Variants in GCFC2 observed in about 807,000 individuals in gnomAD.
GCFC2 encodes GC-rich sequence DNA-binding factor 2.
Under a neutral mutation model 99.4 loss-of-function variants are expected in GCFC2, and 102 were observed. The observed-to-expected ratio is 1.03, with a 90% confidence interval of 0.87 to 1.21. The LOEUF is 1.21. Ranked by LOEUF, GCFC2 falls within the 50% of genes most tolerant of loss-of-function variation. GCFC2 has a pLI of 0.00. For missense variants in GCFC2, 973 were observed against 920.9 expected (o/e 1.06, Z -0.73); for synonymous variants, 338 against 316.8 (o/e 1.07, Z -0.71).
rs755796921 is a variant in GCFC2 at position 75,710,819 on chromosome 2, C to G, written c.37G>C (p.Ala13Pro). The part of the protein sequence containing the change: ...HRPKRTFRQR[A>P]ADSSDSDGAE... ...CCATCGCTGTCGCTGGAATCAGCCG[C>G]GCGCTGCCGAAAAGTCCTTTTCGGC... Residue 13 changes from alanine (A) to proline (P), a missense_variant, in exon 1 of 17, where the codon GCG becomes CCG. By Grantham distance (27) the Ala-to-Pro change is conservative (BLOSUM62 -1). Transcript: ENST00000321027. 5.1e-6 allele frequency: 8 copies of G among 1,577,284 alleles called. No homozygotes were observed. Among genetic ancestry groups the G allele is most frequent in the Admixed American group, 1.7e-5 (1 of 58,006 alleles).
Position 75,671,854 on chromosome 2 carries a change from T to C in GCFC2, c.1956+96A>G, listed in dbSNP as rs995279768. On this transcript the variant is annotated intron_variant, in intron 14 of 16. Coordinates refer to ENST00000321027, the MANE Select transcript of GCFC2 (RefSeq NM_003203.5). ...CATGTGACCACAAAGCCTAAAATAC[T>C]ATCTAATTCTTATAGAAGAAGTTTG... The C allele has an allele frequency of 8.8e-6, 5 of 566,908 alleles. No homozygotes were observed. In the African/African-American group the frequency reaches 9.5e-5, roughly 11 times the overall value. The allele number at this position is 566,908 out of a possible 1,614,324, so 35.1% of individuals were successfully genotyped here. A position where few individuals can be genotyped will look rare whatever the true frequency, so the allele number is the denominator to read the frequency against.
rs1680210972 is a variant in GCFC2, at chr2:75,694,320, G to A, written c.941C>T (p.Ser314Leu). The A allele has an allele frequency of 1.5e-6, 2 of 1,354,366 alleles. No homozygotes were observed. The highest frequency in any genetic ancestry group is 2.6e-5 in the South Asian group (2 of 76,034). 83.9% of individuals were successfully genotyped at this position (1,354,366 alleles called of 1,614,324 possible). A position where few individuals can be genotyped will look rare whatever the true frequency, so the allele number is the denominator to read the frequency against. Residue 314 changes from serine to leucine, a missense_variant, in exon 6 of 17, where the codon TCA (serine) becomes TTA (leucine). Ser to Leu is a moderately radical substitution (Grantham distance 145). Transcript: ENST00000321027. ...GAATTTACAATTTAGAGCTTGATTT[G>A]ATGAACTCTCTAGGTTCTGGATGGT... ...KSTIQNLESS[S>L]NQALNCKFYK... is the part of the protein sequence containing the mutation.
chr2:75,704,468 A>G (rs1401518039), intron 2 of GCFC2, among the ~76,000 whole-genome samples: 1 of 152,206 alleles, frequency 6.6e-6, no homozygotes, highest in Non-Finnish European at 1.5e-5. Context: ...CAATGTGCAT[A>G]GGGGATGGGC....
At chr2:75,712,599 G>A (rs770959738), upstream of GCFC2, among the ~76,000 whole-genome samples, 9 of 152,134 alleles carry the variant, frequency 5.9e-5, no homozygotes, top group Non-Finnish European at 1.0e-4. Flanking sequence ...CAGTGTGGAA[G>A]CTTTGTTCTT....
In GCFC2 at chr2:75,690,637, C is replaced by T. The variant is rs1349244580; in HGVS notation, c.1226+1G>A. 1 of 1,374,746 alleles carries T rather than the reference C, an allele frequency of 7.3e-7. No homozygotes were observed. Among genetic ancestry groups the T allele is most frequent in the Non-Finnish European group, 1.0e-6 (1 of 970,752 alleles). 85.2% of individuals were successfully genotyped at this position (1,374,746 alleles called of 1,614,324 possible). On this transcript the variant is annotated splice_donor_variant, in intron 8 of 16. Coordinates refer to ENST00000321027, the MANE Select transcript of GCFC2 (RefSeq NM_003203.5). LOFTEE classifies it high-confidence loss of function. Reference sequence around the variant, plus strand: ...TTTAAATCTTCACTTTATATAGGTACCTTCGAGATTCAATCTCTTCTAAAA... The same window carrying T: ...TTTAAATCTTCACTTTATATAGGTATCTTCGAGATTCAATCTCTTCTAAAA...
chr2:75,672,166 A>AATATATATTTATTTATAAAATATATAT (rs1245668989), intron 13 of GCFC2, 150 bp from the exon 14 acceptor site: 2 of 158,272 alleles, frequency 1.3e-5, no homozygotes, highest in Non-Finnish European at 2.7e-5. Flanking sequence ...TTATAAATAA[A>AATATATATTTATTTATAAAATATATAT]ATATATATTT....
At chr2:75,668,691 G>GAT (rs1224478769) in intron 15 of GCFC2, among the ~76,000 whole-genome samples, 11 of 152,188 alleles carry the variant, frequency 7.2e-5, no homozygotes, top group African/African-American at 2.6e-4. Context: ...TGTTTTTAGG[G>GAT]ATATGTAGGT....
At position 75,701,264 on chromosome 2, in the gene GCFC2, C is replaced by T. The variant is rs1191886968; in HGVS notation, c.643G>A (p.Glu215Lys). ...TGCTTTTCATCTTCCTGACTTTCTT[C>T]ACTTGTTTCTTCATTTCTGCTTACT... ...ESISRNEETS[E>K]ESQEDEKQDT... Residue 215 changes from glutamate (E) to lysine (K), a missense_variant, in exon 4 of 17, where the codon GAA becomes AAA. Physicochemically the swap from Glu to Lys is moderately conservative, Grantham distance 56. Coordinates refer to ENST00000321027, the MANE Select transcript of GCFC2 (RefSeq NM_003203.5). 9 of 1,605,424 alleles carry T rather than the reference C, an allele frequency of 5.6e-6. No individual in the cohort carries two copies. The highest frequency in any genetic ancestry group is 4.0e-5 in the African/African-American group (3 of 74,748).
chr2:75,708,053 GTGAC>G (rs1411645188), intron 1 of GCFC2, among the ~76,000 whole-genome samples: 19 of 152,272 alleles, frequency 1.2e-4, no homozygotes, highest in Admixed American at 1.1e-3. Flanking sequence ...AAGCATTTGT[GTGAC>G]TGAGTTGCAA....
intron 4 of GCFC2, among the ~76,000 whole-genome samples, chr2:75,698,196 T>C (rs1680418237): frequency 6.6e-6 from 1 of 152,216 alleles, no homozygotes; most frequent in East Asian, 1.9e-4. Flanking sequence ...TCCCATGATA[T>C]TGGCGACATT....
chr2:75,693,640 T>G lies in GCFC2; in HGVS notation c.1020+601A>C, dbSNP rs17690622. On this transcript the variant is annotated intron_variant, in intron 6 of 16. Coordinates refer to ENST00000321027, the MANE Select transcript of GCFC2 (RefSeq NM_003203.5). Reference sequence around the variant, plus strand: ...GAAAGAAAAACCATTACAAACAAATTCAAAAGACAAAACTGGTAAGTTCAC... The same window carrying G: ...GAAAGAAAAACCATTACAAACAAATGCAAAAGACAAAACTGGTAAGTTCAC... Among the ~76,000 whole-genome samples, 1,309 of 151,874 alleles carry G rather than the reference T, an allele frequency of 8.6e-3. 12 individuals are homozygous for G. Among genetic ancestry groups the G allele is most frequent in the South Asian group, 0.028 (136 of 4,812 alleles).
chr2:75,695,472 TAATCATATTA>T (rs1339866587), intron 5 of GCFC2, among the ~76,000 whole-genome samples: 3 of 152,202 alleles, frequency 2.0e-5, no homozygotes, highest in Non-Finnish European at 2.9e-5. Flanking sequence ...AAAATGCTTA[TAATCATATTA>T]AATAGAAAAG....
chr2:75,700,847 C>A (rs1449516708), intron 4 of GCFC2, among the ~76,000 whole-genome samples: 3 of 152,136 alleles, frequency 2.0e-5, no homozygotes, highest in African/African-American at 7.2e-5. Flanking sequence ...CTTGGATTAT[C>A]TGAGTAGGCC....
chr2:75,670,365 TCAAA>T, intron 14 of GCFC2, 81 bp from the exon 15 acceptor site: 1 of 963,718 alleles, frequency 1.0e-6, no homozygotes, highest in Non-Finnish European at 1.6e-6. Flanking sequence ...GAAGAGTTGG[TCAAA>T]CTAAAATTCT....
At chr2:75,707,173 T>C (rs1318256060) in intron 1 of GCFC2, among the ~76,000 whole-genome samples, 1 of 152,198 alleles carries the variant, frequency 6.6e-6, no homozygotes, top group Non-Finnish European at 1.5e-5. Context: ...CTTCAGAACT[T>C]AGGCTCTCTT....
intron 4 of GCFC2, among the ~76,000 whole-genome samples, chr2:75,698,873 A>G (rs1289199970): frequency 6.6e-6 from 1 of 152,090 alleles, no homozygotes; most frequent in Non-Finnish European, 1.5e-5. Flanking sequence ...TCAGTCAGGC[A>G]TGGTGGTATG....
intron 12 of GCFC2, among the ~76,000 whole-genome samples, chr2:75,676,618 CACAT>C (rs757347183): frequency 6.6e-6 from 1 of 152,170 alleles, no homozygotes; most frequent in Non-Finnish European, 1.5e-5. Flanking sequence ...AAATAGCACA[CACAT>C]ACTAGGAGAA....
intron 2 of GCFC2, among the ~76,000 whole-genome samples, chr2:75,704,223 T>C (rs533627171): frequency 3.9e-5 from 6 of 152,356 alleles, no homozygotes; most frequent in African/African-American, 9.6e-5. Flanking sequence ...CTATCTGATA[T>C]GCAATCATCT....
In GCFC2 at chr2:75,663,765, T is replaced by G. The variant is rs1678711319; in HGVS notation, c.*901A>C. The G allele has an allele frequency of 6.6e-6, 1 of 151,752 alleles. No homozygotes were observed. Among genetic ancestry groups the G allele is most frequent in the African/African-American group, 2.4e-5 (1 of 41,170 alleles). 9.4% of individuals were successfully genotyped at this position (151,752 alleles called of 1,614,324 possible). A position where few individuals can be genotyped will look rare whatever the true frequency, so the allele number is the denominator to read the frequency against. ...GTCCCAGCTACTTGGGAGGTTGAAG[T>G]GGGAGGATTGCTTGAGCCCAGAAGG... On this transcript the variant is annotated 3_prime_UTR_variant, in exon 17 of 17. Transcript: ENST00000321027.
Sources: gnomAD v4.1 joint callset for allele counts (sites outside exome capture counted in the v4.1 genomes callset) on GRCh38, gnomAD v4.1.1 for gene constraint, MANE v1.5 for transcripts, NCBI Gene and HGNC (gene_info 2026-07-23, HGNC 2026-07-21) for gene names.